Variants in CACNA2D3 observed in about 807,000 individuals in gnomAD.
CACNA2D3 encodes the protein calcium voltage-gated channel auxiliary subunit alpha2delta 3, also known as voltage-dependent calcium channel subunit alpha-2/delta-3.
A neutral mutation model predicts 160.6 loss-of-function variants in CACNA2D3; 60 were observed. The ratio of observed to expected loss-of-function variants is 0.37; its 90% confidence interval spans 0.30 to 0.46. The LOEUF (loss-of-function observed/expected upper bound fraction) is 0.46. CACNA2D3 is among the 20% of genes least tolerant of loss of function. The probability of loss-of-function intolerance (pLI) is 1.00; values close to 1 mark genes in which losing one functional copy is unlikely to be tolerated. For synonymous variants in CACNA2D3, 558 were observed against 492.9 expected, an observed-to-expected ratio of 1.13 and a Z score of -1.75; for missense variants, 1,205 against 1,365.0, an observed-to-expected ratio of 0.88 and a Z score of 1.85.
chr3:55,002,787 G>A (rs1422057468), intron 31 of CACNA2D3, among the ~76,000 whole-genome samples: 1 of 152,164 alleles, frequency 6.6e-6, no homozygotes, highest in Non-Finnish European at 1.5e-5. Context: ...CTGGTTAGGA[G>A]CTGGCTTTGA....
rs745627251 is a variant in CACNA2D3 at position 54,320,449 on chromosome 3, A to G, written c.212A>G (p.Lys71Arg). 2 of 1,524,704 alleles carry G rather than the reference A, an allele frequency of 1.3e-6. 1 individual carries two copies. Among genetic ancestry groups the G allele is most frequent in the South Asian group, 2.4e-5 (2 of 82,282 alleles). 94.4% of individuals were successfully genotyped at this position (1,524,704 alleles called of 1,614,324 possible). A position where few individuals can be genotyped will look rare whatever the true frequency, so the allele number is the denominator to read the frequency against. The stretch of plus-strand genomic sequence containing the variant: ...TGCCCTCTCTTCTTACAGAAATACA[A>G]AGAGTATGAGAAAGACGTTGCCATA... ...SGSQLLQKKY[K>R]EYEKDVAIEE... Residue 71 changes from lysine to arginine, a missense_variant, in exon 3 of 38, where the codon AAA (lysine) becomes AGA (arginine). Physicochemically the swap from Lys to Arg is conservative, Grantham distance 26. Around this residue, in one of 3 missense-constraint regions of CACNA2D3, gnomAD observed 163 missense variants for 161.3 expected, o/e 1.01. Coordinates refer to ENST00000474759, the MANE Select transcript of CACNA2D3 (RefSeq NM_018398.3).
intron 2 of CACNA2D3, among the ~76,000 whole-genome samples, chr3:54,161,379 A>T (rs976192095): frequency 6.6e-6 from 1 of 152,224 alleles, no homozygotes; most frequent in African/African-American, 2.4e-5. Context: ...AGATTAAAAT[A>T]TCCTACTTTT....
chr3:54,709,509 C>T (rs926118051), intron 11 of CACNA2D3, among the ~76,000 whole-genome samples: 1 of 152,080 alleles, frequency 6.6e-6, no homozygotes, highest in Non-Finnish European at 1.5e-5. Context: ...TGCAGGTGTA[C>T]ATCACCATGC....
chr3:54,179,721 A>G (rs4352397), intron 2 of CACNA2D3, among the ~76,000 whole-genome samples: 121,814 of 152,142 alleles, frequency 0.8, 49,091 homozygotes, highest in East Asian at 1. Flanking sequence ...CCTTCATGGT[A>G]GGATTAGTGC....
At chr3:54,315,408 G>T (rs1157894069) in intron 2 of CACNA2D3, among the ~76,000 whole-genome samples, 1 of 152,188 alleles carries the variant, frequency 6.6e-6, no homozygotes, top group Admixed American at 6.5e-5. Flanking sequence ...AATGTCTCCT[G>T]GTTTTGGTAT....
intron 3 of CACNA2D3, among the ~76,000 whole-genome samples, chr3:54,370,355 T>C (rs1698903211): frequency 6.6e-6 from 1 of 152,232 alleles, no homozygotes; most frequent in East Asian, 1.9e-4. Flanking sequence ...ATAATATTTA[T>C]TTAGCGTTTC....
At position 54,770,354 on chromosome 3, in the gene CACNA2D3, T is replaced by G. The variant is rs541034687; in HGVS notation, c.1380+6003T>G. 3.3e-5 allele frequency among the ~76,000 whole-genome samples: 5 copies of G among 152,320 alleles called. No individual in the cohort carries two copies. The South Asian group carries it at 1.0e-3, about 32-fold the overall frequency. On this transcript the variant is annotated intron_variant, in intron 13 of 37. Coordinates refer to ENST00000474759, the MANE Select transcript of CACNA2D3 (RefSeq NM_018398.3). ...AGTTGTTGGCCAAAGATTCGTTTGATGAATCCGATTTTTCCAAAATAAGCG... is the reference window on the plus strand; with the variant it reads ...AGTTGTTGGCCAAAGATTCGTTTGAGGAATCCGATTTTTCCAAAATAAGCG...
intron 3 of CACNA2D3, among the ~76,000 whole-genome samples, chr3:54,326,906 A>G (rs185811844): frequency 5.3e-5 from 8 of 152,326 alleles, no homozygotes; most frequent in East Asian, 1.9e-4. Flanking sequence ...GGAGGAGACT[A>G]TTAATTTTTT....
At chr3:54,817,863 T>C (rs776439809) in intron 14 of CACNA2D3, among the ~76,000 whole-genome samples, 1 of 152,248 alleles carries the variant, frequency 6.6e-6, no homozygotes, top group African/African-American at 2.4e-5. Flanking sequence ...CTTGTGGTAA[T>C]GTTTGATTAC....
chr3:54,246,756 A>G (rs1016445605), intron 2 of CACNA2D3, among the ~76,000 whole-genome samples: 7 of 152,036 alleles, frequency 4.6e-5, no homozygotes, highest in Admixed American at 2.6e-4. Context: ...AGAATATCTC[A>G]GCATCTCAGA....
Position 54,299,625 on chromosome 3 carries a change from T to A in CACNA2D3, c.205-20817T>A, listed in dbSNP as rs150291942. Among the ~76,000 whole-genome samples the A allele has an allele frequency of 4.5e-4, 69 of 152,280 alleles. No individual in the cohort carries two copies. The East Asian group carries it at 0.011, about 25-fold the overall frequency. Reference sequence around the variant, plus strand: ...GAGAGCCCACGGAACACAAAATGAATGCAAGAAAAGACAGATAAATTCAGG... The same window carrying A: ...GAGAGCCCACGGAACACAAAATGAAAGCAAGAAAAGACAGATAAATTCAGG... On this transcript the variant is annotated intron_variant, in intron 2 of 37. Coordinates refer to ENST00000474759, the MANE Select transcript of CACNA2D3 (RefSeq NM_018398.3).
chr3:54,579,176 G>A (rs1432592544), intron 8 of CACNA2D3, among the ~76,000 whole-genome samples: 1 of 152,198 alleles, frequency 6.6e-6, no homozygotes, highest in Non-Finnish European at 1.5e-5. Context: ...GGGAACCTCA[G>A]TTAAGAAAGT....
intron 3 of CACNA2D3, among the ~76,000 whole-genome samples, chr3:54,335,776 C>T (rs968524820): frequency 7.2e-5 from 11 of 151,834 alleles, no homozygotes; most frequent in African/African-American, 1.2e-4. Context: ...GAGGCTGAGG[C>T]GGGCGGATCA....
chr3:54,752,771 C>A (rs879336702), intron 12 of CACNA2D3, 94 bp downstream of exon 12: 2 of 880,564 alleles, frequency 2.3e-6, no homozygotes, highest in Non-Finnish European at 3.7e-6. Context: ...TCTAATAATT[C>A]TAAGATAAAG....
At position 54,787,408 on chromosome 3, in the gene CACNA2D3, T is replaced by C. The variant is rs541691538; in HGVS notation, c.1380+23057T>C. ...TTAAGAATCTGGACCAGAAGCACAA[T>C]TGATTTCTTCACATGAAACTGGAAG... On this transcript the variant is annotated intron_variant, in intron 13 of 37. Transcript: ENST00000474759. Among the ~76,000 whole-genome samples the C allele has an allele frequency of 4.6e-5, 7 of 152,344 alleles. No homozygotes were observed. The South Asian group carries it at 1.0e-3, about 23-fold the overall frequency.
intron 11 of CACNA2D3, among the ~76,000 whole-genome samples, chr3:54,741,343 T>C (rs1308267587): frequency 6.6e-6 from 1 of 152,226 alleles, no homozygotes; most frequent in Non-Finnish European, 1.5e-5. Flanking sequence ...CTTTGCAGAA[T>C]TAATCCTCCC....
At chr3:54,472,964 A>G (rs1304486602) in intron 4 of CACNA2D3, among the ~76,000 whole-genome samples, 2 of 152,214 alleles carry the variant, frequency 1.3e-5, no homozygotes, top group African/African-American at 2.4e-5. Context: ...TGCCCAAAGT[A>G]ATTTATAGAT....
At chr3:54,878,337 C>T (rs1485511961) in intron 18 of CACNA2D3, among the ~76,000 whole-genome samples, 1 of 152,072 alleles carries the variant, frequency 6.6e-6, no homozygotes, top group Non-Finnish European at 1.5e-5. Flanking sequence ...ACTGCGTCTG[C>T]TGTCCTCCTC....
chr3:55,038,122 A>G (rs1407558886), intron 35 of CACNA2D3, among the ~76,000 whole-genome samples: 1 of 152,204 alleles, frequency 6.6e-6, no homozygotes, highest in Admixed American at 6.5e-5. Context: ...TTATCCAAAT[A>G]GACATGAAAT....
Sources: allele counts gnomAD v4.1 joint callset (sites outside exome capture counted in the v4.1 genomes callset), GRCh38; gene constraint gnomAD v4.1.1; regional missense constraint gnomAD v4.1.1; transcripts MANE v1.5; gene names NCBI Gene and HGNC (gene_info 2026-07-23, HGNC 2026-07-21).